Variants in FBLN7 observed in about 807,000 individuals in gnomAD.
The protein encoded by FBLN7 is fibulin 7.
A neutral mutation model predicts 44.0 loss-of-function variants in FBLN7; 31 were observed. The ratio of observed to expected loss-of-function variants is 0.70; its 90% CI spans 0.53 to 0.95. The LOEUF is 0.95. Among genes scored for constraint, FBLN7 ranks in the 40% least tolerant of loss-of-function variants. The pLI is 0.00. For synonymous variants in FBLN7, 262 were observed against 253.4 expected (o/e 1.03, Z -0.32); for missense variants, 573 against 618.5 (o/e 0.93, Z 0.78).
the FBLN7 span, among the ~76,000 whole-genome samples, chr2:112,202,324 A>G: frequency 2.0e-5 from 3 of 152,142 alleles, no homozygotes; most frequent in Admixed American, 2.0e-4. Flanking sequence ...AAATAAAAGT[A>G]CTAGAAGACG....
At chr2:112,241,446 C>A in the FBLN7 span, among the ~76,000 whole-genome samples, 7 of 152,146 alleles carry the variant, frequency 4.6e-5, no homozygotes, top group East Asian at 1.9e-4. Context: ...GAGACCCCCC[C>A]CTCAAGGGCC....
the FBLN7 span, among the ~76,000 whole-genome samples, chr2:112,231,363 G>A: frequency 5.7e-4 from 86 of 152,174 alleles, no homozygotes; most frequent in African/African-American, 2.0e-3. Flanking sequence ...ACTAACATGA[G>A]AAATGAAAGA....
At chr2:112,221,985 T>C in the FBLN7 span, among the ~76,000 whole-genome samples, 1 of 152,208 alleles carries the variant, frequency 6.6e-6, no homozygotes. Context: ...TTCTCATTTA[T>C]ATCGGCTGAT....
the FBLN7 span, among the ~76,000 whole-genome samples, chr2:112,195,941 C>A: frequency 2.0e-5 from 3 of 152,202 alleles, no homozygotes; most frequent in African/African-American, 7.2e-5. Context: ...GCACTCTGTG[C>A]CCTCGTGGGA....
chr2:112,220,423 G>T, the FBLN7 span, among the ~76,000 whole-genome samples: 2 of 152,124 alleles, frequency 1.3e-5, no homozygotes, highest in Admixed American at 6.6e-5. Flanking sequence ...AGTTTGGCTG[G>T]ATATAAAATT....
the FBLN7 span, among the ~76,000 whole-genome samples, chr2:112,197,803 T>C: frequency 3.3e-3 from 499 of 152,282 alleles, 23 homozygotes; most frequent in East Asian, 0.075. Flanking sequence ...CATTTTGCAA[T>C]GAGGGCAGAG....
At position 112,186,611 on chromosome 2, in the gene FBLN7, G is replaced by C. The variant is rs191240417; in HGVS notation, c.948-523G>C. Among the ~76,000 whole-genome samples the C allele has an allele frequency of 4.4e-3, 667 of 152,242 alleles. 4 individuals carry two copies. The highest frequency in any genetic ancestry group is 0.011 in the South Asian group (52 of 4,814). On this transcript the variant is annotated intron_variant, in intron 7 of 7. Coordinates refer to ENST00000331203, the MANE Select transcript of FBLN7 (RefSeq NM_153214.3). Reference sequence around the variant, plus strand: ...GCCTAGATCATGCCATTGCACTCCAGCCTGGGCGACAGAGTGAGACTCTGT... The same window carrying C: ...GCCTAGATCATGCCATTGCACTCCACCCTGGGCGACAGAGTGAGACTCTGT...
chr2:112,157,553 C>T (rs4318395), intron 1 of FBLN7, among the ~76,000 whole-genome samples: 32,026 of 151,908 alleles, frequency 0.21, 4,101 homozygotes, highest in Middle Eastern at 0.34. Flanking sequence ...TCCACAAGGC[C>T]GAGGTCCCAT....
At chr2:112,142,534 G>A (rs775073286) in intron 1 of FBLN7, among the ~76,000 whole-genome samples, 1 of 152,130 alleles carries the variant, frequency 6.6e-6, no homozygotes, top group Non-Finnish European at 1.5e-5. Flanking sequence ...GTGCCCACAG[G>A]ATCATATCTT....
rs550343439 is a variant in FBLN7, at chr2:112,181,833, C to G, written c.627C>G (p.Ala209=). The change falls in exon 5 of 8, where the codon GCC becomes GCG. Residue 209 remains alanine (A), a synonymous_variant. Coordinates refer to ENST00000331203, the MANE Select transcript of FBLN7 (RefSeq NM_153214.3). ...GGGCTCAGCACTGCAGCTGCGAGGC[C>G]GGATTCCACCTGAGCGGCGCCGCCG... The part of the protein sequence containing the change: ...VERAQHCSCE[A]GFHLSGAAGD... 20 of 1,522,516 alleles carry G rather than the reference C, an allele frequency of 1.3e-5. No homozygotes were observed. The African/African-American group carries it at 2.8e-4, about 21-fold the overall frequency. The allele number at this position is 1,522,516 out of a possible 1,614,324, so 94.3% of individuals were successfully genotyped here. A position where few individuals can be genotyped will look rare whatever the true frequency, so the allele number is the denominator to read the frequency against.
the FBLN7 span, among the ~76,000 whole-genome samples, chr2:112,225,235 A>C: frequency 9.2e-5 from 14 of 152,206 alleles, no homozygotes; most frequent in African/African-American, 3.4e-4. Flanking sequence ...CAAAATAGTT[A>C]ATTGTTAAAA....
chr2:112,154,883 C>T (rs767807088), intron 1 of FBLN7, among the ~76,000 whole-genome samples: 5 of 152,068 alleles, frequency 3.3e-5, no homozygotes, highest in African/African-American at 1.2e-4. Flanking sequence ...AGAGACAGGC[C>T]GGTTGCTCTG....
intron 7 of FBLN7, 81 bp downstream of exon 7, chr2:112,185,420 A>G: frequency 3.3e-6 from 5 of 1,538,082 alleles, no homozygotes; most frequent in Middle Eastern, 1.9e-4. Flanking sequence ...GGTTCTTGGG[A>G]GAAGGTACAG....
chr2:112,160,784 ACGCACACGCACACACG>A (rs1681797650), intron 2 of FBLN7, among the ~76,000 whole-genome samples: 1 of 130,710 alleles, frequency 7.7e-6, no homozygotes, highest in Non-Finnish European at 1.6e-5. Context: ...ACGCACACGC[ACGCACACGCACACACG>A]CACGCACACA....
chr2:112,214,186 T>C, the FBLN7 span: 1 of 152,088 alleles, frequency 6.6e-6, no homozygotes, highest in South Asian at 2.1e-4. Context: ...GACCTCATGA[T>C]CCGCCCACCT....
chr2:112,220,015 G>A, the FBLN7 span, among the ~76,000 whole-genome samples: 3 of 152,200 alleles, frequency 2.0e-5, no homozygotes, highest in East Asian at 1.9e-4. Flanking sequence ...ATTTTTCTCC[G>A]TTCCTTTACT....
At chr2:112,144,805 G>A (rs752319457) in intron 1 of FBLN7, among the ~76,000 whole-genome samples, 6 of 152,182 alleles carry the variant, frequency 3.9e-5, no homozygotes, top group Non-Finnish European at 7.3e-5. Context: ...GATTACAGGC[G>A]TGAGCCACCG....
intron 1 of FBLN7, among the ~76,000 whole-genome samples, chr2:112,147,390 C>T (rs1680009146): frequency 1.3e-5 from 2 of 152,242 alleles, no homozygotes; most frequent in Admixed American, 6.5e-5. Flanking sequence ...CAGATAAGTG[C>T]TTTGTTCCAT....
Position 112,182,877 on chromosome 2 carries a change from T to C in FBLN7, c.757T>C (p.Cys253Arg). 6.2e-7 allele frequency: 1 copy of C among 1,613,114 alleles called. No individual in the cohort carries two copies. Among genetic ancestry groups the C allele is most frequent in the Non-Finnish European group, 8.5e-7 (1 of 1,179,880 alleles). The change falls in exon 6 of 8, where the codon TGC (cysteine) becomes CGC (arginine). Residue 253 changes from cysteine (C) to arginine (R), a missense_variant. Physicochemically the swap from Cys to Arg is radical, Grantham distance 180. Coordinates refer to ENST00000331203, the MANE Select transcript of FBLN7 (RefSeq NM_153214.3). ...ACVNTPGSYR[C>R]TCPGGYRTLA... Reference sequence around the variant, plus strand: ...CGTGAACACCCCGGGCTCTTACCGTTGCACCTGCCCCGGTGGATACCGAAC... The same window carrying C: ...CGTGAACACCCCGGGCTCTTACCGTCGCACCTGCCCCGGTGGATACCGAAC...
Sources: allele counts gnomAD v4.1 joint callset (sites outside exome capture counted in the v4.1 genomes callset), GRCh38; gene constraint gnomAD v4.1.1; transcripts MANE v1.5; gene names NCBI Gene and HGNC (gene_info 2026-07-23, HGNC 2026-07-21).